The following CCL24 variants were observed in gnomAD, a reference collection of about 807,000 sequenced individuals.
CCL24 encodes the protein C-C motif chemokine ligand 24, also known as C-C motif chemokine 24.
Under a neutral mutation model 8.6 loss-of-function variants are expected in CCL24, and 6 were observed. The observed-to-expected ratio is 0.70, with a 90% CI of 0.38 to 1.38. The LOEUF is 1.38. CCL24 is among the 40% of genes most tolerant of loss of function. The pLI, the probability that CCL24 is intolerant of heterozygous loss-of-function variation, is 0.02. For synonymous variants in CCL24, 59 were observed against 52.7 expected (o/e 1.12, Z -0.52); for missense variants, 126 against 147.1 (o/e 0.86, Z 0.74).
chr7:75,814,079 G>T (rs1803835458), upstream of CCL24, among the ~76,000 whole-genome samples: 1 of 152,206 alleles, frequency 6.6e-6, no homozygotes, highest in Admixed American at 6.5e-5. Context: ...CTCCCTGTGG[G>T]ATCCTGGATA....
At position 75,812,038 on chromosome 7, in the gene CCL24, G is replaced by T. The variant is rs545492035; in HGVS notation, c.192-74C>A. On this transcript the variant is annotated intron_variant, in intron 2 of 2. Transcript: ENST00000222902. ...GGCCACTCCACTTCATGGCGGGGGG[G>T]ATGTGGACGCCCAGAGACAGTAAGG... The T allele has an allele frequency of 1.4e-5, 18 of 1,289,978 alleles. No homozygotes were observed. In the Admixed American group the frequency reaches 2.8e-4, roughly 20 times the overall value. 79.9% of individuals were successfully genotyped at this position (1,289,978 alleles called of 1,614,324 possible). A position where few individuals can be genotyped will look rare whatever the true frequency, so the allele number is the denominator to read the frequency against.
intron 1 of CCL24, among the ~76,000 whole-genome samples, chr7:75,820,313 G>A (rs113446740): frequency 6.6e-6 from 1 of 151,472 alleles, no homozygotes; most frequent in African/African-American, 2.4e-5. Context: ...CGAGTAGCTG[G>A]GATTACAGGC....
chr7:75,819,303 AATATATATATATATATAT>A (rs71082353), intron 1 of CCL24, among the ~76,000 whole-genome samples: 394 of 17,104 alleles, frequency 0.023, 28 homozygotes, highest in Non-Finnish European at 0.029. Context: ...AAAAAAAAAA[AATATATATATATATATAT>A]ATATATATAT....
In CCL24 at chr7:75,813,793, G is replaced by C. The variant is rs1803829431; in HGVS notation, c.-78C>G. The C allele has an allele frequency of 3.4e-6, 4 of 1,186,816 alleles. No individual in the cohort carries two copies. The highest frequency in any genetic ancestry group is 3.8e-6 in the Non-Finnish European group (3 of 796,594). The allele number at this position is 1,186,816 out of a possible 1,614,324, so 73.5% of individuals were successfully genotyped here. A position where few individuals can be genotyped will look rare whatever the true frequency, so the allele number is the denominator to read the frequency against. On this transcript the variant is annotated 5_prime_UTR_variant, in exon 1 of 3. Transcript: ENST00000222902. ...AAAGGACCTAGGGATAAATAGCTCG[G>C]GTCCTTGCAGAGTACCCCAAACTCC...
intron 1 of CCL24, 40 bp from the exon 2 acceptor site, chr7:75,813,463 C>G (rs148563483): frequency 7.4e-6 from 11 of 1,480,108 alleles, no homozygotes; most frequent in Admixed American, 1.7e-5. Context: ...CTTTTCCCAG[C>G]CTCCCCTTGG....
At chr7:75,820,895 T>C (rs1804036376) in intron 1 of CCL24, among the ~76,000 whole-genome samples, 1 of 145,580 alleles carries the variant, frequency 6.9e-6, no homozygotes, top group Admixed American at 6.8e-5. Context: ...ATCCATCCAT[T>C]CATTAATCCA....
chr7:75,821,401 G>GA (rs1804046415), intron 1 of CCL24, among the ~76,000 whole-genome samples: 1 of 152,108 alleles, frequency 6.6e-6, no homozygotes, highest in Non-Finnish European at 1.5e-5. Flanking sequence ...AGTTAGGATG[G>GA]AAAAAAGAGG....
chr7:75,815,956 C>T (rs536633651), upstream of CCL24, among the ~76,000 whole-genome samples: 7 of 152,294 alleles, frequency 4.6e-5, no homozygotes, highest in South Asian at 2.1e-4. Flanking sequence ...CCCCTCCCTA[C>T]GGTTCTCTCC....
At chr7:75,815,060 C>T (rs1014667928), upstream of CCL24, among the ~76,000 whole-genome samples, 10 of 151,844 alleles carry the variant, frequency 6.6e-5, no homozygotes, top group African/African-American at 1.5e-4. Flanking sequence ...AACCAGGGGC[C>T]GGGAGCGGTG....
Position 75,811,706 on chromosome 7 carries a change from T to C in CCL24, c.*90A>G, listed in dbSNP as rs1554533438. The C allele has an allele frequency of 8.5e-7, 1 of 1,174,822 alleles. No homozygotes were observed. Among genetic ancestry groups the C allele is most frequent in the East Asian group, 2.5e-5 (1 of 39,928 alleles). 72.8% of individuals were successfully genotyped at this position (1,174,822 alleles called of 1,614,324 possible). ...GTTGCTAAGAAACAGGAAAATTAGCTCTTCCCCCCATCACTGTGGCTTCTC... is the reference window on the plus strand; with the variant it reads ...GTTGCTAAGAAACAGGAAAATTAGCCCTTCCCCCCATCACTGTGGCTTCTC... On this transcript the variant is annotated 3_prime_UTR_variant, in exon 3 of 3. Coordinates refer to ENST00000222902, the MANE Select transcript of CCL24 (RefSeq NM_002991.3).
chr7:75,817,741 GT>G (rs36057835), upstream of CCL24, among the ~76,000 whole-genome samples: 11,108 of 151,644 alleles, frequency 0.073, 599 homozygotes, highest in Middle Eastern at 0.13. Flanking sequence ...GACCCCAAGT[GT>G]TTTACCCACC....
intron 1 of CCL24, among the ~76,000 whole-genome samples, chr7:75,821,501 G>T (rs1804047600): frequency 1.3e-5 from 2 of 152,132 alleles, no homozygotes; most frequent in South Asian, 4.1e-4. Flanking sequence ...ATAACACTTG[G>T]GTTTCAAACT....
upstream of CCL24, among the ~76,000 whole-genome samples, chr7:75,814,706 C>T (rs985340394): frequency 1.1e-4 from 17 of 151,998 alleles, no homozygotes; most frequent in African/African-American, 3.4e-4. Context: ...CTCAAGTTGC[C>T]GGAGCCACTT....
intron 1 of CCL24, 94 bp from the exon 2 acceptor site, chr7:75,813,517 G>T: frequency 6.4e-6 from 8 of 1,248,448 alleles, no homozygotes; most frequent in South Asian, 6.0e-5. Flanking sequence ...ACCAAACACC[G>T]CCAGTCCATT....
upstream of CCL24, among the ~76,000 whole-genome samples, chr7:75,815,210 G>A (rs2115787793): frequency 6.6e-6 from 1 of 152,024 alleles, no homozygotes; most frequent in South Asian, 2.1e-4. Flanking sequence ...ACGGTGGTAT[G>A]CGCCTGTAGT....
intron 1 of CCL24, among the ~76,000 whole-genome samples, chr7:75,820,082 CT>C: frequency 7.2e-6 from 1 of 139,818 alleles, no homozygotes; most frequent in Non-Finnish European, 1.5e-5. Flanking sequence ...TCTTCTTCTT[CT>C]TCTTCCTCTT....
intron 1 of CCL24, among the ~76,000 whole-genome samples, chr7:75,821,327 T>C (rs1554535063): frequency 6.6e-6 from 1 of 151,296 alleles, no homozygotes; most frequent in East Asian, 1.9e-4. Flanking sequence ...CTGGCTGCAG[T>C]AAGTCATGTG....
chr7:75,815,699 C>T (rs559440238), upstream of CCL24, among the ~76,000 whole-genome samples: 4 of 152,200 alleles, frequency 2.6e-5, no homozygotes, highest in East Asian at 7.7e-4. Context: ...CCTCACTCCA[C>T]CCCCGATTCC....
chr7:75,821,107 G>A (rs1199665030), intron 1 of CCL24, among the ~76,000 whole-genome samples: 1 of 152,218 alleles, frequency 6.6e-6, no homozygotes, highest in Non-Finnish European at 1.5e-5. Context: ...TCCAGATGGA[G>A]GAGGTCTACC....
Sources: gnomAD v4.1 joint callset for allele counts (sites outside exome capture counted in the v4.1 genomes callset) on GRCh38, gnomAD v4.1.1 for gene constraint, MANE v1.5 for transcripts, NCBI Gene and HGNC (gene_info 2026-07-23, HGNC 2026-07-21) for gene names.